The following SLC14A2 variants were observed in gnomAD, a reference collection of about 807,000 sequenced individuals.
SLC14A2 encodes urea transporter 2.
SLC14A2 carries 91 observed loss-of-function variants against 104.6 expected under a neutral mutation model. That is an observed-to-expected ratio of 0.87 (90% CI 0.73 to 1.04). The LOEUF (loss-of-function observed/expected upper bound fraction) is 1.04, where lower values mean the gene tolerates loss of function less well. Among genes scored for constraint, SLC14A2 ranks in the 50% least tolerant of loss-of-function variants. SLC14A2 has a pLI of 0.00. For synonymous variants in SLC14A2, 476 were observed against 466.4 expected, an observed-to-expected ratio of 1.02 and a Z score of -0.27; for missense variants, 1,189 against 1,156.0, an observed-to-expected ratio of 1.03 and a Z score of -0.41.
chr18:45,673,636 C>A, intron 17 of SLC14A2, 47 bp from the exon 18 acceptor site: 1 of 1,583,920 alleles, frequency 6.3e-7, no homozygotes. Context: ...AGCAGATGGG[C>A]CCCATAAGAC....
chr18:45,549,325 T>C (rs1178192830), intron 2 of SLC14A2, among the ~76,000 whole-genome samples: 1 of 152,186 alleles, frequency 6.6e-6, no homozygotes, highest in Non-Finnish European at 1.5e-5. Flanking sequence ...ACAACTGATA[T>C]TCAGATGTGC....
chr18:45,667,195 T>A, intron 13 of SLC14A2, 101 bp downstream of exon 13: 1 of 841,948 alleles, frequency 1.2e-6, no homozygotes, highest in Non-Finnish European at 1.8e-6. Context: ...AGACTAGACT[T>A]AGACTAGACT....
chr18:45,630,011 T>G (rs2045320285), intron 4 of SLC14A2, among the ~76,000 whole-genome samples: 1 of 152,194 alleles, frequency 6.6e-6, no homozygotes, highest in Admixed American at 6.5e-5. Flanking sequence ...CCACTCCTGA[T>G]TCCCTCTATG....
intron 1 of SLC14A2, among the ~76,000 whole-genome samples, chr18:45,273,018 G>C (rs1397767757): frequency 6.6e-6 from 1 of 152,006 alleles, no homozygotes; most frequent in African/African-American, 2.4e-5. Flanking sequence ...TGCAAATATC[G>C]GAATAATGGA....
At chr18:45,203,293 T>A in the SLC14A2 span, among the ~76,000 whole-genome samples, 1 of 152,160 alleles carries the variant, frequency 6.6e-6, no homozygotes, top group Admixed American at 6.5e-5. Flanking sequence ...CTTGATCACC[T>A]GAGAAGGACT....
intron 1 of SLC14A2, among the ~76,000 whole-genome samples, chr18:45,365,677 T>A (rs993960109): frequency 6.6e-6 from 1 of 152,186 alleles, no homozygotes; most frequent in African/African-American, 2.4e-5. Context: ...TCTTCCCCTA[T>A]GTCACTTGGG....
chr18:45,487,449 C>T (rs529477769), intron 2 of SLC14A2, among the ~76,000 whole-genome samples: 1 of 152,294 alleles, frequency 6.6e-6, no homozygotes, highest in African/African-American at 2.4e-5. Context: ...TTCGCAAGTT[C>T]CTGGGGATTA....
chr18:45,653,371 A>G (rs2045773106), intron 10 of SLC14A2, among the ~76,000 whole-genome samples: 1 of 152,126 alleles, frequency 6.6e-6, no homozygotes, highest in Non-Finnish European at 1.5e-5. Context: ...CTTTGACGTC[A>G]GTGGGGGAGT....
chr18:45,451,494 T>C (rs1310265763), intron 1 of SLC14A2, among the ~76,000 whole-genome samples: 1 of 152,116 alleles, frequency 6.6e-6, no homozygotes. Context: ...AATTAGAATT[T>C]GAAGAATGGG....
chr18:45,186,579 T>C, the SLC14A2 span, among the ~76,000 whole-genome samples: 35,678 of 152,102 alleles, frequency 0.23, 4,519 homozygotes, highest in Non-Finnish European at 0.3. Context: ...CTTACAAGAA[T>C]AGCTGGACAA....
chr18:45,358,593 T>TA (rs772812799), intron 1 of SLC14A2, among the ~76,000 whole-genome samples: 1 of 152,190 alleles, frequency 6.6e-6, no homozygotes, highest in Non-Finnish European at 1.5e-5. Context: ...TAATTTTTTT[T>TA]AGGAGACAGG....
At chr18:45,310,447 A>G (rs2085067287) in intron 1 of SLC14A2, among the ~76,000 whole-genome samples, 1 of 152,222 alleles carries the variant, frequency 6.6e-6, no homozygotes, top group Admixed American at 6.5e-5. Context: ...AGAAAACTAA[A>G]TTTAATTAAA....
intron 1 of SLC14A2, among the ~76,000 whole-genome samples, chr18:45,353,141 C>A (rs1021316592): frequency 2.6e-5 from 4 of 152,216 alleles, no homozygotes; most frequent in Non-Finnish European, 5.9e-5. Flanking sequence ...GGTTTTCTGT[C>A]TTCTCTGCCT....
At chr18:45,671,082 T>C (rs1482710203) in intron 16 of SLC14A2, among the ~76,000 whole-genome samples, 1 of 152,218 alleles carries the variant, frequency 6.6e-6, no homozygotes, top group Admixed American at 6.5e-5. Flanking sequence ...CCGTTCTTAG[T>C]CTACCCAATT....
intron 2 of SLC14A2, among the ~76,000 whole-genome samples, chr18:45,606,031 CAGACTTTA>C (rs1485186070): frequency 1.3e-5 from 2 of 152,110 alleles, no homozygotes; most frequent in Non-Finnish European, 2.9e-5. Flanking sequence ...TATTCAAGTC[CAGACTTTA>C]ATAAAAACCA....
intron 1 of SLC14A2, among the ~76,000 whole-genome samples, chr18:45,256,307 G>A (rs1349936459): frequency 6.6e-6 from 1 of 152,210 alleles, no homozygotes; most frequent in Non-Finnish European, 1.5e-5. Context: ...CAGCAACAGG[G>A]CCAGCCCAAA....
intron 5 of SLC14A2, among the ~76,000 whole-genome samples, chr18:45,633,884 C>T (rs1332525423): frequency 6.6e-6 from 1 of 152,166 alleles, no homozygotes; most frequent in Non-Finnish European, 1.5e-5. Context: ...CGTTCTTAAT[C>T]CATTGGGACA....
chr18:45,317,576 A>T (rs1473512458), intron 1 of SLC14A2, among the ~76,000 whole-genome samples: 2 of 152,190 alleles, frequency 1.3e-5, no homozygotes, highest in Admixed American at 6.5e-5. Context: ...GATTTGAAAG[A>T]TGAATAAGAG....
At chr18:45,564,424 T>A (rs1365786432) in intron 2 of SLC14A2, among the ~76,000 whole-genome samples, 1 of 152,180 alleles carries the variant, frequency 6.6e-6, no homozygotes, top group Non-Finnish European at 1.5e-5. Context: ...AGACAGAGGA[T>A]GTCTGCACAG....
Sources: allele counts gnomAD v4.1 joint callset (sites outside exome capture counted in the v4.1 genomes callset), GRCh38; gene constraint gnomAD v4.1.1; transcripts MANE v1.5; gene names NCBI Gene and HGNC (gene_info 2026-07-23, HGNC 2026-07-21).